HECW2: variants seen among roughly 807,000 people sequenced by gnomAD.
The protein encoded by HECW2 is HECT, C2 and WW domain containing E3 ubiquitin protein ligase 2, also known as E3 ubiquitin-protein ligase HECW2.
In HECW2, 61 loss-of-function variants were observed where a neutral mutation model predicts 175.2. That is an observed-to-expected ratio of 0.35 (90% confidence interval 0.28 to 0.43). The LOEUF is 0.43. Among genes scored for constraint, HECW2 ranks in the 20% least tolerant of loss-of-function variants. The pLI is 1.00. For synonymous variants in HECW2, 671 were observed against 731.0 expected (o/e 0.92, Z 1.32); for missense variants, 1,524 against 2,000.5 (o/e 0.76, Z 4.54).
chr2:196,336,549 A>G (rs62187062), intron 3 of HECW2, among the ~76,000 whole-genome samples: 8,042 of 152,172 alleles, frequency 0.053, 262 homozygotes, highest in African/African-American at 0.074. Flanking sequence ...GTGCATTTTT[A>G]TAAGATATCT....
At chr2:196,285,317 TA>T (rs1690343980) in intron 14 of HECW2, among the ~76,000 whole-genome samples, 1 of 152,178 alleles carries the variant, frequency 6.6e-6, no homozygotes, top group Non-Finnish European at 1.5e-5. Flanking sequence ...GAATACATAT[TA>T]AAAGGCTATA....
chr2:196,422,873 G>A (rs1695443439), intron 2 of HECW2, among the ~76,000 whole-genome samples: 1 of 152,002 alleles, frequency 6.6e-6, no homozygotes, highest in Non-Finnish European at 1.5e-5. Flanking sequence ...AAAACCTAAT[G>A]CATTATTTGT....
chr2:196,522,702 GC>G (rs1688452613), intron 1 of HECW2, among the ~76,000 whole-genome samples: 1 of 150,108 alleles, frequency 6.7e-6, no homozygotes, highest in East Asian at 1.9e-4. Flanking sequence ...CATATGGCTA[GC>G]CAGTTTTCCC....
At chr2:196,428,456 T>C (rs140952042) in intron 2 of HECW2, among the ~76,000 whole-genome samples, 4 of 152,306 alleles carry the variant, frequency 2.6e-5, no homozygotes, top group African/African-American at 9.6e-5. Flanking sequence ...TCAAAAATCT[T>C]TTCCTGTTCT....
chr2:196,537,560 T>A (rs1689062353), intron 1 of HECW2, among the ~76,000 whole-genome samples: 1 of 151,928 alleles, frequency 6.6e-6, no homozygotes, highest in Non-Finnish European at 1.5e-5. Flanking sequence ...GAAGCTGAGG[T>A]GTGGCTGAAC....
intron 19 of HECW2, among the ~76,000 whole-genome samples, chr2:196,247,740 A>T (rs2105899035): frequency 6.6e-6 from 1 of 152,354 alleles, no homozygotes; most frequent in Admixed American, 6.5e-5. Context: ...AGAAGACACT[A>T]GAAATAGCTT....
At chr2:196,348,144 G>A (rs748296812) in intron 2 of HECW2, among the ~76,000 whole-genome samples, 43 of 152,246 alleles carry the variant, frequency 2.8e-4, no homozygotes, top group Middle Eastern at 3.4e-3. Flanking sequence ...TCACATCTTT[G>A]TTTACGTTGC....
chr2:196,285,278 T>G (rs1465461008), intron 14 of HECW2, among the ~76,000 whole-genome samples: 1 of 152,198 alleles, frequency 6.6e-6, no homozygotes, highest in African/African-American at 2.4e-5. Context: ...AAGTTTGAAA[T>G]CGTTTCCAGT....
chr2:196,315,254 T>C lies in HECW2; in HGVS notation c.2434+2020A>G, dbSNP rs553824002. 4.9e-4 allele frequency among the ~76,000 whole-genome samples: 74 copies of C among 152,208 alleles called. 1 individual carries two copies. The highest frequency in any genetic ancestry group is 1.8e-3 in the African/African-American group (73 of 41,532). ...GAGTTTTTAAAATATAAAAATTCTG[T>C]TTATATTTTACAAAAAAAAGTTATT... On this transcript the variant is annotated intron_variant, in intron 10 of 28. Transcript: ENST00000644978.
Position 196,253,890 on chromosome 2 carries a change from G to T in HECW2, c.3529+30C>A, listed in dbSNP as rs373805298. On this transcript the variant is annotated intron_variant, in intron 19 of 28. Coordinates refer to ENST00000644978, the MANE Select transcript of HECW2 (RefSeq NM_001348768.2). ...CTGGCTTGAAGGTTCACTCCTCAGA[G>T]AATTCACTGTGAGCAGCAGGTGGAC... 34 of 1,603,290 alleles carry T rather than the reference G, an allele frequency of 2.1e-5. No homozygotes were observed. The African/African-American group carries it at 3.1e-4, about 15-fold the overall frequency.
intron 1 of HECW2, among the ~76,000 whole-genome samples, chr2:196,580,740 T>C (rs538064718): frequency 2.8e-4 from 42 of 152,102 alleles, no homozygotes; most frequent in African/African-American, 1.0e-3. Flanking sequence ...ACCTACTTTC[T>C]GTTAATCAGG....
At chr2:196,390,489 C>T (rs966053800) in intron 2 of HECW2, among the ~76,000 whole-genome samples, 3 of 152,170 alleles carry the variant, frequency 2.0e-5, no homozygotes, top group African/African-American at 4.8e-5. Context: ...AAAGTCGCTG[C>T]ATGGAAAACT....
At chr2:196,545,967 A>G (rs796331894) in intron 1 of HECW2, among the ~76,000 whole-genome samples, 13 of 152,348 alleles carry the variant, frequency 8.5e-5, no homozygotes, top group African/African-American at 3.1e-4. Flanking sequence ...GTTTCCAAGT[A>G]TATATCTTTG....
chr2:196,212,319 T>C (rs1410057144), intron 28 of HECW2, among the ~76,000 whole-genome samples: 1 of 152,122 alleles, frequency 6.6e-6, no homozygotes, highest in Non-Finnish European at 1.5e-5. Flanking sequence ...TAGTACCCAT[T>C]AGTTATTTTT....
intron 1 of HECW2, among the ~76,000 whole-genome samples, chr2:196,501,834 A>G (rs1575610462): frequency 6.6e-6 from 1 of 152,250 alleles, no homozygotes; most frequent in African/African-American, 2.4e-5. Flanking sequence ...TGAGCATTCA[A>G]TAATGTTTAG....
At chr2:196,205,541 G>C (rs1687036936) in intron 28 of HECW2, among the ~76,000 whole-genome samples, 1 of 152,128 alleles carries the variant, frequency 6.6e-6, no homozygotes, top group Non-Finnish European at 1.5e-5. Flanking sequence ...GGCTGAGATT[G>C]AGTCAATCCA....
intron 3 of HECW2, among the ~76,000 whole-genome samples, chr2:196,342,322 T>C (rs1333810892): frequency 6.6e-6 from 1 of 151,086 alleles, no homozygotes; most frequent in Non-Finnish European, 1.5e-5. Flanking sequence ...GAGAATTGCT[T>C]GAACCCGGGA....
intron 2 of HECW2, among the ~76,000 whole-genome samples, chr2:196,365,540 C>A (rs189518106): frequency 2.6e-5 from 4 of 152,138 alleles, no homozygotes; most frequent in African/African-American, 9.7e-5. Context: ...ATGCTTGTCC[C>A]GTTGTCACTC....
Position 196,371,943 on chromosome 2 carries a change from C to T in HECW2, c.293-28179G>A, listed in dbSNP as rs547211417. 7.9e-5 allele frequency among the ~76,000 whole-genome samples: 12 copies of T among 152,314 alleles called. No individual in the cohort carries two copies. The South Asian group carries it at 2.5e-3, about 32-fold the overall frequency. Reference sequence around the variant, plus strand: ...CCCTTTTAGAATAACATTTTAGTAACATTTCTTAAAAGTTTACTTTCAACA... The same window carrying T: ...CCCTTTTAGAATAACATTTTAGTAATATTTCTTAAAAGTTTACTTTCAACA... On this transcript the variant is annotated intron_variant, in intron 2 of 28. Transcript: ENST00000644978.
Sources: gnomAD v4.1 joint callset for allele counts (sites outside exome capture counted in the v4.1 genomes callset) on GRCh38, gnomAD v4.1.1 for gene constraint, MANE v1.5 for transcripts, NCBI Gene and HGNC (gene_info 2026-07-23, HGNC 2026-07-21) for gene names.